Variants in SCAI observed in about 807,000 individuals in gnomAD.
SCAI encodes the protein protein SCAI.
In SCAI, 24 loss-of-function variants were observed where a neutral mutation model predicts 92.2. The ratio of observed to expected loss-of-function variants is 0.26; its 90% CI spans 0.19 to 0.37. The LOEUF (loss-of-function observed/expected upper bound fraction) is 0.37. SCAI is among the 10% of genes least tolerant of loss of function. The pLI is 1.00. For synonymous variants in SCAI, 261 were observed against 258.6 expected, an observed-to-expected ratio of 1.01 and a Z score of -0.09; for missense variants, 450 against 736.2, an observed-to-expected ratio of 0.61 and a Z score of 4.50.
chr9:124,957,968 C>A (rs1303617359), intron 17 of SCAI, among the ~76,000 whole-genome samples: 1 of 152,174 alleles, frequency 6.6e-6, no homozygotes. Context: ...CAGGTATGAG[C>A]CACCATGTCC....
chr9:125,061,801 A>G lies in SCAI; in HGVS notation c.99-5794T>C, dbSNP rs78060201. 6.5e-3 allele frequency among the ~76,000 whole-genome samples: 989 copies of G among 152,204 alleles called. 15 individuals are homozygous for G. Among genetic ancestry groups the G allele is most frequent in the African/African-American group, 0.023 (962 of 41,538 alleles). On this transcript the variant is annotated intron_variant, in intron 2 of 17. Coordinates refer to ENST00000336505, the MANE Select transcript of SCAI (RefSeq NM_001144877.3). ...ACGAAGAAAAGAAAAGAAAAGAAAA[A>G]AATATATATGGAATTCATCACCAGC...
At chr9:124,977,399 G>GCCCT (rs3051149) in intron 14 of SCAI, among the ~76,000 whole-genome samples, 1 of 75,744 alleles carries the variant, frequency 1.3e-5, no homozygotes, top group Non-Finnish European at 4.0e-5. Flanking sequence ...CCTCAGTGAG[G>GCCCT]CCCGGCACAG....
At chr9:125,115,971 G>A (rs1440234489) in intron 2 of SCAI, among the ~76,000 whole-genome samples, 1 of 152,176 alleles carries the variant, frequency 6.6e-6, no homozygotes, top group Non-Finnish European at 1.5e-5. Flanking sequence ...AAGGTGGGCG[G>A]ATAACCTGAG....
chr9:124,953,349 C>T, intron 17 of SCAI, among the ~76,000 whole-genome samples: 1 of 152,076 alleles, frequency 6.6e-6, no homozygotes, highest in Admixed American at 6.5e-5. Context: ...GCTGGGGCAG[C>T]CGGGCACCAT....
chr9:124,966,782 GT>G (rs201405718), intron 17 of SCAI, among the ~76,000 whole-genome samples: 18 of 147,784 alleles, frequency 1.2e-4, no homozygotes, highest in South Asian at 2.1e-4. Flanking sequence ...ATTATTAAGA[GT>G]TTTTTTTTTC....
chr9:125,047,310 C>A (rs1194139149), intron 3 of SCAI, among the ~76,000 whole-genome samples: 1 of 152,176 alleles, frequency 6.6e-6, no homozygotes, highest in African/African-American at 2.4e-5. Flanking sequence ...AGGCATCCAT[C>A]TGCAATCCAA....
intron 2 of SCAI, among the ~76,000 whole-genome samples, chr9:125,083,069 G>A (rs1834254341): frequency 6.6e-6 from 1 of 152,214 alleles, no homozygotes; most frequent in Admixed American, 6.5e-5. Context: ...ATTCCCATGT[G>A]TTGTGGGAGG....
chr9:125,086,584 G>A (rs1834329934), intron 2 of SCAI, among the ~76,000 whole-genome samples: 1 of 152,202 alleles, frequency 6.6e-6, no homozygotes, highest in Non-Finnish European at 1.5e-5. Context: ...GAAAACAAAG[G>A]AAACCCTTCA....
intron 2 of SCAI, among the ~76,000 whole-genome samples, chr9:125,128,479 C>T (rs1009119216): frequency 6.6e-6 from 1 of 151,770 alleles, no homozygotes; most frequent in African/African-American, 2.4e-5. Context: ...AATGGCCAGG[C>T]GCTGTGGCTC....
At chr9:125,139,338 G>A (rs1308051255) in intron 2 of SCAI, among the ~76,000 whole-genome samples, 1 of 152,082 alleles carries the variant, frequency 6.6e-6, no homozygotes. Flanking sequence ...ACCTGGGCCC[G>A]AGAAGTCAAG....
rs1564370626 is a variant in SCAI, at chr9:124,994,924, T to C, written c.1326+10A>G. 4 of 1,603,922 alleles carry C rather than the reference T, an allele frequency of 2.5e-6. No individual in the cohort carries two copies. Among genetic ancestry groups the C allele is most frequent in the African/African-American group, 1.3e-5 (1 of 74,862 alleles). On this transcript the variant is annotated intron_variant, in intron 14 of 17. Coordinates refer to ENST00000336505, the MANE Select transcript of SCAI (RefSeq NM_001144877.3). ...ATGTCTACCTGTGCAATAGCTCTCA[T>C]GGAACTCACCTTATACGCAACACTA...
intron 9 of SCAI, among the ~76,000 whole-genome samples, chr9:125,018,040 C>A (rs1379438282): frequency 6.6e-6 from 1 of 151,810 alleles, no homozygotes; most frequent in African/African-American, 2.4e-5. Context: ...AACACCAACT[C>A]CTCGCCCCTT....
In SCAI at chr9:125,142,674, C is replaced by T; in HGVS notation, c.57G>A (p.Leu19=). Residue 19 remains leucine (L), a synonymous_variant, in exon 2 of 18, where the codon CTG becomes CTA. Coordinates refer to ENST00000336505, the MANE Select transcript of SCAI (RefSeq NM_001144877.3). ...GAGGCGGTTTCTCCACTGTGCCAGT[C>T]AGTCTGCAGACCAAACAAATAAGAC... ...QQPRSRLAPR[L]TGTVEKPPRK... is the part of the protein sequence containing the mutation. 1 of 1,613,554 alleles carries T rather than the reference C, an allele frequency of 6.2e-7. No individual in the cohort carries two copies. Among genetic ancestry groups the T allele is most frequent in the South Asian group, 1.1e-5 (1 of 91,036 alleles).
intron 14 of SCAI, among the ~76,000 whole-genome samples, chr9:124,978,296 C>A (rs1482442646): frequency 6.6e-6 from 1 of 152,170 alleles, no homozygotes; most frequent in Non-Finnish European, 1.5e-5. Flanking sequence ...CAAAAATTAG[C>A]TGGGCGTGGT....
chr9:125,046,520 T>A (rs1451253008), intron 3 of SCAI, among the ~76,000 whole-genome samples: 1 of 149,596 alleles, frequency 6.7e-6, no homozygotes, highest in Non-Finnish European at 1.5e-5. Context: ...TACAAAGACA[T>A]AAGAATGACA....
At chr9:125,033,920 T>C (rs1833135505) in intron 3 of SCAI, among the ~76,000 whole-genome samples, 1 of 152,174 alleles carries the variant, frequency 6.6e-6, no homozygotes, top group African/African-American at 2.4e-5. Flanking sequence ...TGAAGAAATA[T>C]CATTATTATA....
rs1370451315 is a variant in SCAI, at chr9:124,980,004, C to CG, written c.1327-3819dup. ...GGCAGAGGTTGCAGTGAGCTGAGATCGGACCACTGCACTCCAGCCTGGGTG... is the reference window on the plus strand; with the variant it reads ...GGCAGAGGTTGCAGTGAGCTGAGATCGGGACCACTGCACTCCAGCCTGGGTG... On this transcript the variant is annotated intron_variant, in intron 14 of 17. Transcript: ENST00000336505. 1.6e-3 allele frequency among the ~76,000 whole-genome samples: 244 copies of CG among 148,082 alleles called. 2 individuals are homozygous for CG. Among genetic ancestry groups the CG allele is most frequent in the African/African-American group, 5.7e-3 (226 of 39,860 alleles).
At chr9:124,958,106 A>T (rs1588115056) in intron 17 of SCAI, among the ~76,000 whole-genome samples, 1 of 152,244 alleles carries the variant, frequency 6.6e-6, no homozygotes, top group East Asian at 1.9e-4. Flanking sequence ...CATATAAGTA[A>T]ATGAGGATAT....
At chr9:125,133,272 G>A (rs1049946433) in intron 2 of SCAI, among the ~76,000 whole-genome samples, 10 of 150,812 alleles carry the variant, frequency 6.6e-5, no homozygotes, top group African/African-American at 2.0e-4. Context: ...CGCCTTAATC[G>A]CAGCTCCTAC....
Sources: allele counts gnomAD v4.1 joint callset (sites outside exome capture counted in the v4.1 genomes callset), GRCh38; gene constraint gnomAD v4.1.1; transcripts MANE v1.5; gene names NCBI Gene and HGNC (gene_info 2026-07-23, HGNC 2026-07-21).